The following ARHGAP5 variants were observed in gnomAD, a reference collection of about 807,000 sequenced individuals.
ARHGAP5 encodes Rho GTPase activating protein 5, also known as rho GTPase-activating protein 5.
A neutral mutation model predicts 116.6 loss-of-function variants in ARHGAP5; 23 were observed. That is an observed-to-expected ratio of 0.20 (90% confidence interval 0.14 to 0.28). ARHGAP5 has a LOEUF of 0.28. Among genes scored for constraint, ARHGAP5 ranks in the 10% least tolerant of loss-of-function variants. ARHGAP5 has a pLI of 1.00. For missense variants in ARHGAP5, 1,405 were observed against 1,774.8 expected (o/e 0.79, Z 3.74); for synonymous variants, 574 against 602.0 (o/e 0.95, Z 0.68).
At chr14:32,116,723 A>G (rs757040771) in intron 2 of ARHGAP5, among the ~76,000 whole-genome samples, 1 of 152,230 alleles carries the variant, frequency 6.6e-6, no homozygotes, top group Non-Finnish European at 1.5e-5. Context: ...CAATAATTAG[A>G]GCTCTTACGT....
intron 2 of ARHGAP5, 56 bp from the exon 3 acceptor site, chr14:32,117,084 T>C: frequency 7.2e-7 from 1 of 1,390,232 alleles, no homozygotes; most frequent in Non-Finnish European, 9.8e-7. Flanking sequence ...CATTGCTCAT[T>C]ACTATTATTC....
chr14:32,125,958 C>T (rs1264828977), intron 3 of ARHGAP5, among the ~76,000 whole-genome samples: 1 of 151,822 alleles, frequency 6.6e-6, no homozygotes, highest in Non-Finnish European at 1.5e-5. Context: ...GTGTGTTGAT[C>T]TTGTATCCTG....
At chr14:32,128,322 A>AGGCAGGCGGCT (rs1305335602) in intron 3 of ARHGAP5, among the ~76,000 whole-genome samples, 3 of 152,222 alleles carry the variant, frequency 2.0e-5, no homozygotes, top group African/African-American at 7.2e-5. Flanking sequence ...TGGGAGGCCA[A>AGGCAGGCGGCT]GGCAGGCGGC....
intron 2 of ARHGAP5, among the ~76,000 whole-genome samples, chr14:32,116,345 C>G (rs1879589227): frequency 6.6e-6 from 1 of 151,652 alleles, no homozygotes; most frequent in Non-Finnish European, 1.5e-5. Flanking sequence ...AATCCCAGCA[C>G]TTTGGGAGGC....
chr14:32,077,603 A>T (rs1375344950), intron 1 of ARHGAP5, among the ~76,000 whole-genome samples, 168 bp downstream of exon 1: 1 of 152,052 alleles, frequency 6.6e-6, no homozygotes, highest in Non-Finnish European at 1.5e-5. Flanking sequence ...CGGTTTTCGC[A>T]GGCCGGGCGG....
In ARHGAP5 at chr14:32,091,687, A is replaced by C. The variant is rs1164277066; in HGVS notation, c.1018A>C (p.Asn340His). ...AAGAAAAAGGAGAGAAGAGTATATA[A>C]ATACTTTACCAAGAGCTTTTAACAC... The part of the protein sequence containing the change: ...HIRKRREEYI[N>H]TLPRAFNTLL... The change falls in exon 2 of 7, where the codon AAT becomes CAT. Residue 340 changes from asparagine (N) to histidine (H), a missense_variant. Around this residue, in one of 6 missense-constraint regions of ARHGAP5, gnomAD observed 944 missense variants for 1,095.3 expected, o/e 0.86. Transcript: ENST00000345122. 2.2e-5 allele frequency: 35 copies of C among 1,610,126 alleles called. No homozygotes were observed. Among genetic ancestry groups the C allele is most frequent in the Non-Finnish European group, 2.9e-5 (34 of 1,178,688 alleles).
intron 2 of ARHGAP5, among the ~76,000 whole-genome samples, chr14:32,095,313 ATAGAATCTGCTTTAT>A: frequency 1.3e-5 from 2 of 152,196 alleles, no homozygotes; most frequent in East Asian, 3.9e-4. Flanking sequence ...TTATAGTTGA[ATAGAATCTGCTTTAT>A]TTTCTAAGTT....
chr14:32,099,892 T>C (rs1250482677), intron 2 of ARHGAP5, among the ~76,000 whole-genome samples: 1 of 152,194 alleles, frequency 6.6e-6, no homozygotes, highest in African/African-American at 2.4e-5. Context: ...TTGTCATTCT[T>C]ACCAATCAGA....
At chr14:32,086,611 C>T (rs780587794) in intron 1 of ARHGAP5, among the ~76,000 whole-genome samples, 11 of 151,078 alleles carry the variant, frequency 7.3e-5, no homozygotes, top group Non-Finnish European at 1.5e-4. Context: ...AAATATATAC[C>T]TTTTATTAAT....
At chr14:32,098,415 G>A (rs1012421515) in intron 2 of ARHGAP5, among the ~76,000 whole-genome samples, 2 of 152,194 alleles carry the variant, frequency 1.3e-5, no homozygotes, top group African/African-American at 4.8e-5. Flanking sequence ...TTCTTGAAAA[G>A]TCATTTTTAG....
intron 4 of ARHGAP5, among the ~76,000 whole-genome samples, chr14:32,148,758 A>C (rs997370895): frequency 2.6e-5 from 4 of 152,218 alleles, no homozygotes; most frequent in Non-Finnish European, 5.9e-5. Context: ...GAAAGGAAAC[A>C]TGCTAAACTG....
intron 2 of ARHGAP5, among the ~76,000 whole-genome samples, chr14:32,110,110 A>G (rs1438143107): frequency 6.6e-6 from 1 of 151,924 alleles, no homozygotes; most frequent in Non-Finnish European, 1.5e-5. Context: ...CATTTGTACT[A>G]ATTTATTTCA....
rs574191312 is a variant in ARHGAP5 at position 32,084,191 on chromosome 14, G to A, written c.-168-6311G>A. ...TTTTTCACATATTTTCAGCAGTGAA[G>A]TTTTTTTCAAACAAATTGAAATATC... On this transcript the variant is annotated intron_variant, in intron 1 of 6. Transcript: ENST00000345122. Among the ~76,000 whole-genome samples the A allele has an allele frequency of 9.0e-4, 137 of 152,254 alleles. 2 individuals carry two copies. In the South Asian group the frequency reaches 0.016, roughly 17 times the overall value.
chr14:32,100,692 A>G (rs1413768611), intron 2 of ARHGAP5, among the ~76,000 whole-genome samples: 1 of 152,210 alleles, frequency 6.6e-6, no homozygotes, highest in African/African-American at 2.4e-5. Context: ...CTTGAAAGCA[A>G]TGCCCTTCAG....
intron 3 of ARHGAP5, among the ~76,000 whole-genome samples, chr14:32,130,209 A>ATT (rs1201632953): frequency 4.2e-4 from 52 of 124,386 alleles, no homozygotes; most frequent in African/African-American, 6.2e-4. Context: ...TTCATAAGGG[A>ATT]TTTTTTTTTT....
intron 1 of ARHGAP5, among the ~76,000 whole-genome samples, chr14:32,087,149 C>T (rs533202896): frequency 1.3e-5 from 2 of 151,590 alleles, no homozygotes; most frequent in South Asian, 4.2e-4. Context: ...TCATTGAAGA[C>T]ACTGGGCATT....
At chr14:32,083,913 C>A (rs1348109446) in intron 1 of ARHGAP5, among the ~76,000 whole-genome samples, 5 of 152,082 alleles carry the variant, frequency 3.3e-5, no homozygotes, top group Admixed American at 3.3e-4. Context: ...CCTATATGTA[C>A]CTTTATACAT....
chr14:32,091,810 C>T lies in ARHGAP5; in HGVS notation c.1141C>T (p.Leu381=). ...AGATTTCCAGTTATGTTTTGTGGTG[C>T]TAGAAAAAACTCCTTGGGATGAAAC... ...RADFQLCFVV[L]EKTPWDETDH... is the part of the protein sequence containing the mutation. Residue 381 remains leucine (L), a synonymous_variant, in exon 2 of 7, where the codon CTA becomes TTA. Transcript: ENST00000345122. The T allele has an allele frequency of 1.9e-6, 3 of 1,613,290 alleles. No individual in the cohort carries two copies. The highest frequency in any genetic ancestry group is 2.5e-6 in the Non-Finnish European group (3 of 1,179,538).
chr14:32,109,333 CT>C (rs1238940337), intron 2 of ARHGAP5, among the ~76,000 whole-genome samples: 1 of 151,886 alleles, frequency 6.6e-6, no homozygotes, highest in Non-Finnish European at 1.5e-5. Flanking sequence ...AATTTATGTA[CT>C]TCATATTTTT....
Sources: gnomAD v4.1 joint callset for allele counts (sites outside exome capture counted in the v4.1 genomes callset) on GRCh38, gnomAD v4.1.1 for gene constraint, gnomAD v4.1.1 regional missense constraint, MANE v1.5 for transcripts, NCBI Gene and HGNC (gene_info 2026-07-23, HGNC 2026-07-21) for gene names.